The following NLK variants were observed in gnomAD, a reference collection of about 807,000 sequenced individuals.
NLK encodes the protein serine/threonine-protein kinase NLK.
NLK carries 11 observed loss-of-function variants against 59.0 expected under a neutral mutation model. The observed-to-expected ratio is 0.19, with a 90% CI of 0.12 to 0.31. NLK has a LOEUF of 0.31. Ranked by LOEUF, NLK falls within the 10% of genes least tolerant of loss-of-function variation. The probability of loss-of-function intolerance (pLI) is 1.00; values close to 1 mark genes in which losing one functional copy is unlikely to be tolerated. For missense variants in NLK, 410 were observed against 661.1 expected, an observed-to-expected ratio of 0.62 and a Z score of 4.16; for synonymous variants, 235 against 235.9, an observed-to-expected ratio of 1.00 and a Z score of 0.03.
intron 1 of NLK, among the ~76,000 whole-genome samples, chr17:28,067,741 G>A (rs1182290018): frequency 6.6e-6 from 1 of 151,798 alleles, no homozygotes; most frequent in Non-Finnish European, 1.5e-5. Flanking sequence ...TTGAGACTTT[G>A]GGGATTTTGC....
At chr17:28,184,700 C>T (rs1239681568) in intron 7 of NLK, among the ~76,000 whole-genome samples, 5 of 152,186 alleles carry the variant, frequency 3.3e-5, no homozygotes, top group African/African-American at 7.2e-5. Flanking sequence ...GTAATCCCAG[C>T]ACTTTGGGAG....
chr17:28,159,518 C>G (rs1214290486), intron 3 of NLK, among the ~76,000 whole-genome samples: 1 of 152,000 alleles, frequency 6.6e-6, no homozygotes, highest in East Asian at 1.9e-4. Flanking sequence ...AACTATAACC[C>G]TGATGTCATT....
At chr17:28,061,520 G>A (rs974526394) in intron 1 of NLK, among the ~76,000 whole-genome samples, 3 of 152,012 alleles carry the variant, frequency 2.0e-5, no homozygotes, top group Non-Finnish European at 4.4e-5. Flanking sequence ...ATGGTATCTG[G>A]ATGTCTTCTA....
chr17:28,139,546 A>G (rs1210082930), intron 3 of NLK, among the ~76,000 whole-genome samples: 2 of 152,222 alleles, frequency 1.3e-5, no homozygotes, highest in African/African-American at 4.8e-5. Context: ...TTGCTTATTC[A>G]TTCAGCCAAA....
intron 3 of NLK, among the ~76,000 whole-genome samples, chr17:28,155,133 T>C (rs1454724036): frequency 6.6e-6 from 1 of 152,118 alleles, no homozygotes; most frequent in East Asian, 1.9e-4. Context: ...TAGAACACTA[T>C]GCAGTCATTA....
intron 8 of NLK, among the ~76,000 whole-genome samples, chr17:28,189,003 ACACAC>A (rs1275974225): frequency 1.8e-4 from 28 of 152,088 alleles, no homozygotes; most frequent in African/African-American, 6.3e-4. Context: ...ACACACACAC[ACACAC>A]ACACGCTGAA....
chr17:28,157,410 C>CA (rs1343213377), intron 3 of NLK, among the ~76,000 whole-genome samples: 16 of 152,104 alleles, frequency 1.1e-4, no homozygotes, highest in Admixed American at 1.0e-3. Flanking sequence ...AGGCTCGTCT[C>CA]AAACTTCTGA....
chr17:28,131,145 G>A (rs1906498601), intron 2 of NLK, among the ~76,000 whole-genome samples: 1 of 152,012 alleles, frequency 6.6e-6, no homozygotes, highest in African/African-American at 2.4e-5. Flanking sequence ...AGTGAGAAAT[G>A]CTTGGCTGAA....
At chr17:28,169,123 T>A (rs1045953109) in intron 6 of NLK, among the ~76,000 whole-genome samples, 5 of 152,014 alleles carry the variant, frequency 3.3e-5, no homozygotes, top group Non-Finnish European at 5.9e-5. Flanking sequence ...TGACCTCAGG[T>A]GATCCACCTG....
intron 3 of NLK, among the ~76,000 whole-genome samples, chr17:28,136,674 G>A (rs1906761010): frequency 6.6e-6 from 1 of 152,048 alleles, no homozygotes; most frequent in African/African-American, 2.4e-5. Context: ...CATAATCTCG[G>A]CTTACTGCAA....
chr17:28,066,987 G>A (rs1361591439), intron 1 of NLK, among the ~76,000 whole-genome samples: 4 of 151,978 alleles, frequency 2.6e-5, no homozygotes, highest in Non-Finnish European at 4.4e-5. Flanking sequence ...TACATATTCC[G>A]GATATAAATC....
intron 1 of NLK, among the ~76,000 whole-genome samples, chr17:28,072,175 T>C (rs1910025950): frequency 6.6e-6 from 1 of 152,182 alleles, no homozygotes; most frequent in African/African-American, 2.4e-5. Flanking sequence ...TATTTTTTTA[T>C]TTTCAGCATT....
At chr17:28,145,597 C>G (rs79634083) in intron 3 of NLK, among the ~76,000 whole-genome samples, 6,180 of 152,208 alleles carry the variant, frequency 0.041, 181 homozygotes, top group East Asian at 0.13. Flanking sequence ...TGCCAAAAAC[C>G]CTGCATGAGA....
At chr17:28,128,301 T>C (rs1266153986) in intron 2 of NLK, among the ~76,000 whole-genome samples, 1 of 152,148 alleles carries the variant, frequency 6.6e-6, no homozygotes, top group African/African-American at 2.4e-5. Flanking sequence ...GAACTAAATG[T>C]TCAATTAAGA....
chr17:28,178,513 C>CA (rs1190793453), intron 7 of NLK, among the ~76,000 whole-genome samples: 1 of 152,224 alleles, frequency 6.6e-6, no homozygotes, highest in Non-Finnish European at 1.5e-5. Flanking sequence ...GATAGTTCTT[C>CA]AACTGACCTG....
intron 4 of NLK, among the ~76,000 whole-genome samples, chr17:28,162,101 C>T (rs908548647): frequency 4.6e-5 from 7 of 152,040 alleles, no homozygotes; most frequent in African/African-American, 7.2e-5. Context: ...CTGCAAGATT[C>T]GCCTCCCAGG....
intron 8 of NLK, among the ~76,000 whole-genome samples, chr17:28,190,485 G>T (rs1909266701): frequency 6.6e-6 from 1 of 152,020 alleles, no homozygotes; most frequent in Non-Finnish European, 1.5e-5. Context: ...CTAGACTTCT[G>T]ATATTCAGAC....
At chr17:28,090,858 G>A (rs764812093) in intron 1 of NLK, among the ~76,000 whole-genome samples, 88 of 152,196 alleles carry the variant, frequency 5.8e-4, no homozygotes, top group Non-Finnish European at 1.0e-3. Context: ...TCCTCTGTGT[G>A]TAATATGTCT....
At chr17:28,059,301 A>T (rs1309442009) in intron 1 of NLK, among the ~76,000 whole-genome samples, 2 of 150,986 alleles carry the variant, frequency 1.3e-5, no homozygotes, top group Non-Finnish European at 3.0e-5. Context: ...TGGATTTTTT[A>T]TTTTTTTTTA....
Sources: allele counts gnomAD v4.1 joint callset (sites outside exome capture counted in the v4.1 genomes callset), GRCh38; gene constraint gnomAD v4.1.1; transcripts MANE v1.5; gene names NCBI Gene and HGNC (gene_info 2026-07-23, HGNC 2026-07-21).